Variants in ZC3H3 observed in about 807,000 individuals in gnomAD.
ZC3H3 encodes the protein zinc finger CCCH-type containing 3.
A neutral mutation model predicts 77.3 loss-of-function variants in ZC3H3; 36 were observed. That is an observed-to-expected ratio of 0.47 (90% CI 0.36 to 0.61). The LOEUF is 0.61. ZC3H3 is among the 20% of genes least tolerant of loss of function. ZC3H3 has a pLI of 0.00. For synonymous variants in ZC3H3, 626 were observed against 555.2 expected (o/e 1.13, Z -1.79); for missense variants, 1,331 against 1,312.2 (o/e 1.01, Z -0.22).
intron 4 of ZC3H3, among the ~76,000 whole-genome samples, chr8:143,483,806 CCCT>C (rs1418048782): frequency 6.6e-6 from 1 of 152,240 alleles, no homozygotes; most frequent in Non-Finnish European, 1.5e-5. Context: ...GACCGTGGGG[CCCT>C]CACCAGCTCC....
intron 4 of ZC3H3, chr8:143,484,980 C>A (rs1462864040): frequency 4.7e-6 from 2 of 421,072 alleles, no homozygotes; most frequent in Non-Finnish European, 9.5e-6. Flanking sequence ...ACAATAAAAA[C>A]CCACTCACTT....
chr8:143,488,835 C>T (rs1258732040), intron 4 of ZC3H3, among the ~76,000 whole-genome samples: 1 of 152,246 alleles, frequency 6.6e-6, no homozygotes, highest in Non-Finnish European at 1.5e-5. Context: ...ACTTGGAGTT[C>T]CATGAATCCA....
chr8:143,437,916 G>T lies in ZC3H3; in HGVS notation c.*140C>A. The T allele has an allele frequency of 1.7e-6, 2 of 1,198,120 alleles. No homozygotes were observed. The highest frequency in any genetic ancestry group is 2.4e-6 in the Non-Finnish European group (2 of 834,702). 74.2% of individuals were successfully genotyped at this position (1,198,120 alleles called of 1,614,324 possible). On this transcript the variant is annotated 3_prime_UTR_variant, in exon 12 of 12. Transcript: ENST00000262577. ...CTGGTCATGGAAGGTTGAGGGCCAG[G>T]CAGGCAGAGCAGTGTCCCTGTGGCC...
At chr8:143,536,215 C>A (rs896494898) in intron 3 of ZC3H3, 42 bp downstream of exon 3, 4 of 1,579,386 alleles carry the variant, frequency 2.5e-6, no homozygotes, top group Non-Finnish European at 3.4e-6. Flanking sequence ...TCCCATCAGG[C>A]AGGCCCAGCC....
chr8:143,442,016 C>T (rs1256635339), intron 9 of ZC3H3, among the ~76,000 whole-genome samples: 1 of 152,158 alleles, frequency 6.6e-6, no homozygotes, highest in Non-Finnish European at 1.5e-5. Context: ...GGCCGGAGTG[C>T]TTCCAGCTCG....
At chr8:143,502,468 G>A (rs1052853231) in intron 4 of ZC3H3, among the ~76,000 whole-genome samples, 13 of 152,166 alleles carry the variant, frequency 8.5e-5, no homozygotes, top group African/African-American at 2.4e-4. Flanking sequence ...CCTAACTCTC[G>A]TCAAAACTGC....
At chr8:143,448,902 A>C (rs939222919) in intron 9 of ZC3H3, among the ~76,000 whole-genome samples, 2 of 152,206 alleles carry the variant, frequency 1.3e-5, no homozygotes, top group East Asian at 3.8e-4. Flanking sequence ...CTCCTGAACC[A>C]CAACTCTTGC....
chr8:143,482,329 C>T (rs1820928795), intron 4 of ZC3H3, among the ~76,000 whole-genome samples: 1 of 152,232 alleles, frequency 6.6e-6, no homozygotes, highest in African/African-American at 2.4e-5. Flanking sequence ...AAAATGAGCA[C>T]AGGGGCCGTA....
At chr8:143,508,674 C>T (rs1821782133) in intron 3 of ZC3H3, among the ~76,000 whole-genome samples, 1 of 152,192 alleles carries the variant, frequency 6.6e-6, no homozygotes, top group South Asian at 2.1e-4. Flanking sequence ...GCCTTCCCAA[C>T]AGCTTCCCTG....
intron 9 of ZC3H3, among the ~76,000 whole-genome samples, chr8:143,455,787 A>G (rs1354229411): frequency 1.3e-5 from 2 of 151,846 alleles, no homozygotes; most frequent in Non-Finnish European, 2.9e-5. Flanking sequence ...AGCCTGGCCA[A>G]CATGGTGAAA....
chr8:143,523,477 C>T (rs1215953742), intron 3 of ZC3H3: 2 of 985,412 alleles, frequency 2.0e-6, no homozygotes, highest in South Asian at 4.7e-5. Flanking sequence ...AGACACTCCC[C>T]GCTGCAAGCT....
intron 3 of ZC3H3, among the ~76,000 whole-genome samples, chr8:143,527,337 G>T (rs954271500): frequency 1.3e-5 from 2 of 152,156 alleles, no homozygotes; most frequent in African/African-American, 4.8e-5. Context: ...TTCAACAAAA[G>T]GAGCAGCCCA....
At chr8:143,510,054 G>A (rs989386502) in intron 3 of ZC3H3, among the ~76,000 whole-genome samples, 4 of 152,196 alleles carry the variant, frequency 2.6e-5, no homozygotes, top group Non-Finnish European at 5.9e-5. Context: ...GGCGGGCGGC[G>A]GCACCATGAT....
Position 143,465,689 on chromosome 8 carries a change from C to A in ZC3H3, c.2307+28G>T, listed in dbSNP as rs200778305. On this transcript the variant is annotated intron_variant, in intron 9 of 11. Coordinates refer to ENST00000262577, the MANE Select transcript of ZC3H3 (RefSeq NM_015117.3). ...GGACCAACAAGCCACAGGAACCCCG[C>A]CCACTCGGGCCCCCACAGACCACTC... 4.8e-4 allele frequency: 774 copies of A among 1,611,680 alleles called. 1 individual carries two copies. In the African/African-American group the frequency reaches 8.9e-3, roughly 19 times the overall value.
Position 143,533,581 on chromosome 8 carries a change from C to A in ZC3H3, c.1561+2676G>T, listed in dbSNP as rs557871782. Among the ~76,000 whole-genome samples, 2 of 152,090 alleles carry A rather than the reference C, an allele frequency of 1.3e-5. No homozygotes were observed. Among genetic ancestry groups the A allele is most frequent in the Admixed American group, 6.5e-5 (1 of 15,270 alleles). ...GCTGCCAGGCACAGTGACTCAACCA[C>A]GCTTGCCAGTTGGGCCAGTGGTGGG... On this transcript the variant is annotated intron_variant, in intron 3 of 11. Coordinates refer to ENST00000262577, the MANE Select transcript of ZC3H3 (RefSeq NM_015117.3). The surrounding 1 kb of genome is among the most constrained non-coding windows in gnomAD (Gnocchi z 4.0).
At chr8:143,443,464 A>T (rs73717573) in intron 9 of ZC3H3, among the ~76,000 whole-genome samples, 4,138 of 152,044 alleles carry the variant, frequency 0.027, 192 homozygotes, top group African/African-American at 0.094. Context: ...GCCAAACAAA[A>T]CCCCCAGAAA....
At chr8:143,528,266 G>C (rs2130487874) in intron 3 of ZC3H3, among the ~76,000 whole-genome samples, 1 of 152,342 alleles carries the variant, frequency 6.6e-6, no homozygotes, top group African/African-American at 2.4e-5. Context: ...CAGCGCTCCA[G>C]CTCCCCACAA....
At chr8:143,483,161 G>A (rs752942623) in intron 4 of ZC3H3, among the ~76,000 whole-genome samples, 9 of 152,256 alleles carry the variant, frequency 5.9e-5, no homozygotes, top group African/African-American at 9.6e-5. Flanking sequence ...AGGCGGCGCC[G>A]CAGCGAATCC....
intron 4 of ZC3H3, among the ~76,000 whole-genome samples, chr8:143,483,533 G>A (rs1247308883): frequency 2.0e-5 from 3 of 152,168 alleles, no homozygotes; most frequent in Non-Finnish European, 4.4e-5. Context: ...AAGCTGGGCC[G>A]GCAGGGAGGG....
Sources: allele counts gnomAD v4.1 joint callset (sites outside exome capture counted in the v4.1 genomes callset), GRCh38; gene constraint gnomAD v4.1.1; non-coding constraint Gnocchi (gnomAD v3.1); transcripts MANE v1.5; gene names NCBI Gene and HGNC (gene_info 2026-07-23, HGNC 2026-07-21).